CBL: variants seen among roughly 807,000 people sequenced by gnomAD.
CBL encodes the protein E3 ubiquitin-protein ligase CBL.
Under a neutral mutation model 96.9 loss-of-function variants are expected in CBL, and 45 were observed. That is an observed-to-expected ratio of 0.46 (90% CI 0.37 to 0.60). The LOEUF (loss-of-function observed/expected upper bound fraction) is 0.60. Ranked by LOEUF, CBL falls within the 20% of genes least tolerant of loss-of-function variation. The probability of loss-of-function intolerance (pLI) is 0.00; values close to 1 mark genes in which losing one functional copy is unlikely to be tolerated. For synonymous variants in CBL, 420 were observed against 426.8 expected, an observed-to-expected ratio of 0.98 and a Z score of 0.20; for missense variants, 1,024 against 1,143.5, an observed-to-expected ratio of 0.90 and a Z score of 1.51.
At chr11:119,276,234 T>C in intron 6 of CBL, 100 bp downstream of exon 6, 1 of 1,197,904 alleles carries the variant, frequency 8.3e-7, no homozygotes. Context: ...AACTGCAGAC[T>C]AAGATTCAGG....
In CBL at chr11:119,275,939, G is replaced by A. The variant is rs567548864; in HGVS notation, c.870-58G>A. 7.3e-4 allele frequency: 1,099 copies of A among 1,511,240 alleles called. 1 individual carries two copies. The highest frequency in any genetic ancestry group is 1.2e-3 in the Middle Eastern group (7 of 5,736). The allele number at this position is 1,511,240 out of a possible 1,614,324, so 93.6% of individuals were successfully genotyped here. On this transcript the variant is annotated intron_variant, in intron 5 of 15. Transcript: ENST00000264033. Reference sequence around the variant, plus strand: ...TTGATTTTTGTCTGTATCTTGCCTTGCCTTCCACCGTAATACCAGCATAAT... The same window carrying A: ...TTGATTTTTGTCTGTATCTTGCCTTACCTTCCACCGTAATACCAGCATAAT...
At chr11:119,273,058 C>T (rs1440221610) in intron 3 of CBL, among the ~76,000 whole-genome samples, 3 of 151,122 alleles carry the variant, frequency 2.0e-5, no homozygotes, top group Admixed American at 6.6e-5. Flanking sequence ...CATAGCTCAT[C>T]GCAGCCTCAA....
chr11:119,268,407 T>G (rs1565869474), intron 2 of CBL, among the ~76,000 whole-genome samples: 1 of 152,218 alleles, frequency 6.6e-6, no homozygotes, highest in Non-Finnish European at 1.5e-5. Flanking sequence ...CTAAGAAGAT[T>G]CTTCAGGTTT....
intron 1 of CBL, among the ~76,000 whole-genome samples, chr11:119,220,547 T>C (rs1489026927): frequency 2.6e-5 from 4 of 152,144 alleles, no homozygotes; most frequent in Admixed American, 6.5e-5. Flanking sequence ...TGAAGTGAGC[T>C]GTGATGACGC....
intron 2 of CBL, among the ~76,000 whole-genome samples, chr11:119,253,147 C>A (rs1483809506): frequency 6.6e-6 from 1 of 151,968 alleles, no homozygotes; most frequent in Non-Finnish European, 1.5e-5. Flanking sequence ...TTCAAGTGTT[C>A]TCATAGTTTA....
chr11:119,287,896 C>G lies in CBL; in HGVS notation c.1986C>G (p.Pro662=), dbSNP rs1949996439. 6.2e-7 allele frequency: 1 copy of G among 1,613,864 alleles called. No homozygotes were observed. Among genetic ancestry groups the G allele is most frequent in the Non-Finnish European group, 8.5e-7 (1 of 1,179,748 alleles). The change falls in exon 12 of 16, where the codon CCC becomes CCG. Residue 662 remains proline, a synonymous_variant. Coordinates refer to ENST00000264033, the MANE Select transcript of CBL (RefSeq NM_005188.4). ...SPLVGPECDH[P]KIKPSSSANA... ...TAGTAGGTCCAGAGTGTGACCACCC[C>G]AAAATCAAACCTTCCTCATCTGCCA...
Position 119,305,102 on chromosome 11 carries a change from C to T in CBL, c.*5321C>T, listed in dbSNP as rs907466586. 4 of 220,698 alleles carry T rather than the reference C, an allele frequency of 1.8e-5. No individual in the cohort carries two copies. The highest frequency in any genetic ancestry group is 9.0e-5 in the African/African-American group (4 of 44,654). The allele number at this position is 220,698 out of a possible 1,614,324, so 13.7% of individuals were successfully genotyped here. A position where few individuals can be genotyped will look rare whatever the true frequency, so the allele number is the denominator to read the frequency against. ...CACAGACACCCTAAAAAGGCTTCTA[C>T]TCAAGAAGTAAAGCCACTACTCCTG... On this transcript the variant is annotated 3_prime_UTR_variant, in exon 16 of 16. Coordinates refer to ENST00000264033, the MANE Select transcript of CBL (RefSeq NM_005188.4).
At chr11:119,258,064 C>G (rs1223659926) in intron 2 of CBL, among the ~76,000 whole-genome samples, 1 of 151,902 alleles carries the variant, frequency 6.6e-6, no homozygotes, top group Non-Finnish European at 1.5e-5. Flanking sequence ...CCCTGTCTAC[C>G]AAAAATATGA....
chr11:119,223,402 A>ATTATG (rs745476259), intron 1 of CBL, among the ~76,000 whole-genome samples: 17 of 148,880 alleles, frequency 1.1e-4, no homozygotes, highest in South Asian at 2.1e-4. Context: ...TTTATTTTGA[A>ATTATG]TTATGTTATG....
intron 3 of CBL, 145 bp downstream of exon 3, chr11:119,272,026 A>G: frequency 1.3e-6 from 1 of 789,340 alleles, no homozygotes; most frequent in Non-Finnish European, 2.0e-6. Flanking sequence ...TTGGTTAAAT[A>G]TTAAGTTTTT....
intron 1 of CBL, among the ~76,000 whole-genome samples, chr11:119,230,062 A>G: frequency 6.6e-6 from 1 of 152,206 alleles, no homozygotes; most frequent in East Asian, 1.9e-4. Context: ...TGGTTAAGAT[A>G]TGTTATTGTC....
At chr11:119,238,685 G>A (rs1949563454) in intron 2 of CBL, among the ~76,000 whole-genome samples, 1 of 152,084 alleles carries the variant, frequency 6.6e-6, no homozygotes, top group Admixed American at 6.5e-5. Flanking sequence ...CAAAAAATTA[G>A]CCAGGTGTGC....
At chr11:119,270,434 A>ATTTTTTTT (rs1565870000) in intron 2 of CBL, among the ~76,000 whole-genome samples, 1 of 41,548 alleles carries the variant, frequency 2.4e-5, no homozygotes, top group Non-Finnish European at 4.1e-5. Flanking sequence ...ATATATATAT[A>ATTTTTTTT]TATTTTTTTT....
intron 2 of CBL, among the ~76,000 whole-genome samples, chr11:119,262,229 T>G (rs2135288553): frequency 6.6e-6 from 1 of 152,156 alleles, no homozygotes; most frequent in Admixed American, 6.5e-5. Flanking sequence ...TGAACAGCGC[T>G]CAGAACTGTC....
In CBL at chr11:119,277,239, G is replaced by GCACACACACACACACACACA. The variant is rs112214824; in HGVS notation, c.1008-517_1008-516insACACACACACACACACACAC. 4.7e-3 allele frequency among the ~76,000 whole-genome samples: 653 copies of GCACACACACACACACACACA among 138,304 alleles called. 10 individuals are homozygous for GCACACACACACACACACACA. The highest frequency in any genetic ancestry group is 0.017 in the African/African-American group (559 of 33,728). 90.7% of individuals were successfully genotyped at this position (138,304 alleles called of 152,430 possible). A position where few individuals can be genotyped will look rare whatever the true frequency, so the allele number is the denominator to read the frequency against. ...CTCAAAAAAAAAATAAGAATCTGTC[G>GCACACACACACACACACACA]CGCACACACACACACACACACACAC... On this transcript the variant is annotated intron_variant, in intron 6 of 15. Coordinates refer to ENST00000264033, the MANE Select transcript of CBL (RefSeq NM_005188.4).
chr11:119,243,765 GT>G (rs1474108196), intron 2 of CBL, among the ~76,000 whole-genome samples: 1 of 151,258 alleles, frequency 6.6e-6, no homozygotes, highest in Non-Finnish European at 1.5e-5. Context: ...AGGGTCTCTT[GT>G]CACCCAGGCA....
intron 2 of CBL, among the ~76,000 whole-genome samples, chr11:119,247,739 C>G (rs966372409): frequency 2.0e-5 from 3 of 152,056 alleles, no homozygotes; most frequent in African/African-American, 7.2e-5. Flanking sequence ...TGAAACCCGG[C>G]AGGCAGGGGT....
At chr11:119,273,830 T>C (rs539715379) in intron 3 of CBL, 38 bp from the exon 4 acceptor site, 64 of 1,586,042 alleles carry the variant, frequency 4.0e-5, no homozygotes, top group South Asian at 3.0e-4. Context: ...ATTATCTCTG[T>C]TATTTCACTT....
At chr11:119,210,292 C>G (rs1230024449) in intron 1 of CBL, among the ~76,000 whole-genome samples, 1 of 152,016 alleles carries the variant, frequency 6.6e-6, no homozygotes, top group African/African-American at 2.4e-5. Flanking sequence ...GGGAGGATCA[C>G]TTGAGCTTGG....
Sources: gnomAD v4.1 joint callset for allele counts (sites outside exome capture counted in the v4.1 genomes callset) on GRCh38, gnomAD v4.1.1 for gene constraint, MANE v1.5 for transcripts, NCBI Gene and HGNC (gene_info 2026-07-23, HGNC 2026-07-21) for gene names.